Variants in EGLN1 observed in about 807,000 individuals in gnomAD.
EGLN1 encodes egl-9 family hypoxia inducible factor 1, also known as egl nine homolog 1.
A neutral mutation model predicts 38.3 loss-of-function variants in EGLN1; 17 were observed. The observed-to-expected ratio is 0.44, with a 90% CI of 0.30 to 0.67. EGLN1 has a LOEUF of 0.67. Ranked by LOEUF, EGLN1 falls within the 30% of genes least tolerant of loss-of-function variation. The pLI is 0.08. For missense variants in EGLN1, 477 were observed against 603.3 expected (o/e 0.79, Z 2.19); for synonymous variants, 283 against 257.5 (o/e 1.10, Z -0.95).
intron 1 of EGLN1, among the ~76,000 whole-genome samples, chr1:231,383,473 G>A (rs551249704): frequency 7.4e-4 from 112 of 152,304 alleles, no homozygotes; most frequent in African/African-American, 2.6e-3. Flanking sequence ...CGGGAATGGG[G>A]ATCAGAAAAG....
chr1:231,366,786 C>T (rs1049169600), intron 4 of EGLN1, among the ~76,000 whole-genome samples: 10 of 152,130 alleles, frequency 6.6e-5, no homozygotes, highest in Admixed American at 6.6e-4. Flanking sequence ...GAGCTTGTGC[C>T]ACAAATAATG....
At chr1:231,393,095 G>A (rs957110190) in intron 1 of EGLN1, among the ~76,000 whole-genome samples, 1 of 152,206 alleles carries the variant, frequency 6.6e-6, no homozygotes, top group Non-Finnish European at 1.5e-5. Flanking sequence ...ATGATGTAAT[G>A]CTGAAACTAT....
chr1:231,394,347 C>G (rs940159901), intron 1 of EGLN1, among the ~76,000 whole-genome samples: 1 of 151,590 alleles, frequency 6.6e-6, no homozygotes, highest in Admixed American at 6.6e-5. Context: ...CTCCATTGCT[C>G]ACCTCTCTCA....
At chr1:231,416,327 T>C (rs1689081121) in intron 1 of EGLN1, among the ~76,000 whole-genome samples, 1 of 152,058 alleles carries the variant, frequency 6.6e-6, no homozygotes, top group South Asian at 2.1e-4. Flanking sequence ...AAAGTTAAAA[T>C]GATCTCTATT....
At chr1:231,405,790 C>T (rs1010210060) in intron 1 of EGLN1, among the ~76,000 whole-genome samples, 1 of 152,088 alleles carries the variant, frequency 6.6e-6, no homozygotes, top group African/African-American at 2.4e-5. Context: ...AAGCTTACAG[C>T]TACTATGCAA....
chr1:231,374,664 C>T (rs958851559), intron 1 of EGLN1, among the ~76,000 whole-genome samples: 1 of 152,008 alleles, frequency 6.6e-6, no homozygotes, highest in South Asian at 2.1e-4. Flanking sequence ...ACTATAAGCA[C>T]GTGTCACCAG....
chr1:231,402,066 T>A (rs1444680602), intron 1 of EGLN1, among the ~76,000 whole-genome samples: 1 of 152,200 alleles, frequency 6.6e-6, no homozygotes, highest in East Asian at 1.9e-4. Flanking sequence ...TGGTAACCAA[T>A]GATGTTGAGA....
At chr1:231,397,021 G>T (rs1001235847) in intron 1 of EGLN1, among the ~76,000 whole-genome samples, 10 of 152,104 alleles carry the variant, frequency 6.6e-5, no homozygotes, top group African/African-American at 2.4e-4. Context: ...CCTCCCTCCA[G>T]AATTGCCATG....
At chr1:231,380,608 T>C (rs1688060368) in intron 1 of EGLN1, among the ~76,000 whole-genome samples, 1 of 152,198 alleles carries the variant, frequency 6.6e-6, no homozygotes, top group Admixed American at 6.5e-5. Flanking sequence ...ATTAAATTAC[T>C]ATAAGTGAAA....
chr1:231,412,614 G>A (rs1162715849), intron 1 of EGLN1, among the ~76,000 whole-genome samples: 1 of 152,242 alleles, frequency 6.6e-6, no homozygotes, highest in Admixed American at 6.5e-5. Context: ...CACTGGTAGA[G>A]CTGATACAAG....
chr1:231,367,781 AT>A, intron 3 of EGLN1, 145 bp from the exon 4 acceptor site: 1 of 732,170 alleles, frequency 1.4e-6, no homozygotes, highest in South Asian at 1.6e-5. Flanking sequence ...CAGCTTATTT[AT>A]ACAGTAACCA....
chr1:231,371,014 C>T (rs745411612), intron 2 of EGLN1, among the ~76,000 whole-genome samples: 1 of 152,146 alleles, frequency 6.6e-6, no homozygotes, highest in Admixed American at 6.5e-5. Context: ...CTCAGCATCG[C>T]GAGTAGCTGG....
chr1:231,384,416 AC>A (rs576132795), intron 1 of EGLN1, among the ~76,000 whole-genome samples: 1,648 of 151,748 alleles, frequency 0.011, 15 homozygotes, highest in Non-Finnish European at 0.016. Context: ...AAAAAAAAAA[AC>A]ACGCAATAGG....
At chr1:231,368,572 A>G (rs1240440776) in intron 3 of EGLN1, among the ~76,000 whole-genome samples, 1 of 152,210 alleles carries the variant, frequency 6.6e-6, no homozygotes, top group Non-Finnish European at 1.5e-5. Context: ...TCTGATACAA[A>G]TAATGGGGAA....
At chr1:231,373,841 T>A in intron 2 of EGLN1, 139 bp downstream of exon 2, 1 of 918,180 alleles carries the variant, frequency 1.1e-6, no homozygotes, top group Non-Finnish European at 1.7e-6. Flanking sequence ...AATCCACTCC[T>A]AATACCTGAG....
intron 1 of EGLN1, among the ~76,000 whole-genome samples, chr1:231,404,407 A>G (rs1418366452): frequency 6.6e-6 from 1 of 152,180 alleles, no homozygotes; most frequent in African/African-American, 2.4e-5. Context: ...GTTATAGACT[A>G]TACAGTAAAT....
chr1:231,420,814 G>C (rs918418442), intron 1 of EGLN1, among the ~76,000 whole-genome samples, 184 bp downstream of exon 1: 2 of 152,132 alleles, frequency 1.3e-5, no homozygotes, highest in African/African-American at 4.8e-5. Flanking sequence ...TGGATACAAA[G>C]GGGCTAACTA....
At chr1:231,373,931 GAAAA>G (rs750949110) in intron 2 of EGLN1, 45 bp downstream of exon 2, 3 of 1,606,962 alleles carry the variant, frequency 1.9e-6, no homozygotes, top group Non-Finnish European at 2.6e-6. Flanking sequence ...ATGCTTTTGA[GAAAA>G]AGACACCTGT....
chr1:231,392,319 A>C (rs184517673), intron 1 of EGLN1, among the ~76,000 whole-genome samples: 67 of 152,266 alleles, frequency 4.4e-4, no homozygotes, highest in Admixed American at 4.4e-3. Flanking sequence ...AAAAATAAAT[A>C]AAGCACAAAA....
Sources: gnomAD v4.1 joint callset for allele counts (sites outside exome capture counted in the v4.1 genomes callset) on GRCh38, gnomAD v4.1.1 for gene constraint, MANE v1.5 for transcripts, NCBI Gene and HGNC (gene_info 2026-07-23, HGNC 2026-07-21) for gene names.